The following LMO7 variants were observed in gnomAD, a reference collection of about 807,000 sequenced individuals.
LMO7 encodes LIM domain 7.
A neutral mutation model predicts 206.5 loss-of-function variants in LMO7; 120 were observed. The ratio of observed to expected loss-of-function variants is 0.58; its 90% CI spans 0.50 to 0.68. LMO7 has a LOEUF of 0.68. LMO7 is among the 30% of genes least tolerant of loss of function. The pLI is 0.00. For synonymous variants in LMO7, 706 were observed against 681.5 expected, an observed-to-expected ratio of 1.04 and a Z score of -0.56; for missense variants, 1,959 against 1,957.9, an observed-to-expected ratio of 1.00 and a Z score of -0.01.
chr13:75,622,405 GA>G (rs1265303641), intron 1 of LMO7: 1 of 152,210 alleles, frequency 6.6e-6, no homozygotes, highest in Admixed American at 6.5e-5. Flanking sequence ...AACATCAACT[GA>G]GGTACTCAAA....
Position 75,805,615 on chromosome 13 carries a change from G to C in LMO7, c.1051G>C (p.Val351Leu), listed in dbSNP as rs1566499997. ...CAACATTGTAAAGGATGATCTTTAT[G>C]TGCGCAAGCTCAGTCCAGTCATGCC... ...IPNIVKDDLYVRKLSPVMPNP... is the reference protein window; with the variant it reads ...IPNIVKDDLYLRKLSPVMPNP... The change falls in exon 9 of 31, where the codon GTG becomes CTG. Residue 351 changes from valine to leucine, a missense_variant. Physicochemically the swap from Val to Leu is conservative, Grantham distance 32. Coordinates refer to ENST00000377534, the MANE Select transcript of LMO7 (RefSeq NM_001306080.2). The C allele has an allele frequency of 3.1e-6, 5 of 1,614,056 alleles. No homozygotes were observed. Among genetic ancestry groups the C allele is most frequent in the Non-Finnish European group, 3.4e-6 (4 of 1,179,902 alleles).
At chr13:75,771,011 A>G (rs1011557156) in intron 4 of LMO7, among the ~76,000 whole-genome samples, 4 of 152,112 alleles carry the variant, frequency 2.6e-5, no homozygotes, top group Admixed American at 6.6e-5. Context: ...TTCTAGGGCT[A>G]TGTGACAGAA....
intron 1 of LMO7, among the ~76,000 whole-genome samples, chr13:75,673,103 C>T (rs541433985): frequency 6.6e-6 from 1 of 152,302 alleles, no homozygotes; most frequent in African/African-American, 2.4e-5. Flanking sequence ...GCTTTAAAAT[C>T]ATCCATCTAT....
rs2060825770 is a variant in LMO7 at position 75,855,177 on chromosome 13, G to GTTAAT, written c.4662-82_4662-78dup. 3 of 788,790 alleles carry GTTAAT rather than the reference G, an allele frequency of 3.8e-6. No homozygotes were observed. In the Middle Eastern group the frequency reaches 7.1e-4, roughly 187 times the overall value. The allele number at this position is 788,790 out of a possible 1,614,324, so 48.9% of individuals were successfully genotyped here. On this transcript the variant is annotated intron_variant, in intron 28 of 30. Transcript: ENST00000377534. ...GAGCTTTTCTTAAATTATTATCAGT[G>GTTAAT]TTAATAGCAGAGTGTGACTTTTAAA...
intron 4 of LMO7, among the ~76,000 whole-genome samples, chr13:75,764,137 T>C (rs2048550838): frequency 6.6e-6 from 1 of 152,156 alleles, no homozygotes; most frequent in Non-Finnish European, 1.5e-5. Context: ...GTGACACCTT[T>C]AATTTTGATA....
chr13:75,769,012 G>C (rs2049271702), intron 4 of LMO7, among the ~76,000 whole-genome samples: 2 of 152,082 alleles, frequency 1.3e-5, no homozygotes, highest in African/African-American at 4.8e-5. Flanking sequence ...TGAAAGCCAT[G>C]CTTATTATTT....
chr13:75,809,264 G>A, intron 11 of LMO7, 81 bp downstream of exon 11: 2 of 1,195,886 alleles, frequency 1.7e-6, no homozygotes, highest in Non-Finnish European at 2.5e-6. Context: ...GGCATGGCAT[G>A]TCACTAAATG....
intron 1 of LMO7, among the ~76,000 whole-genome samples, chr13:75,655,661 ATATATATATATATATATATATAT>A (rs2037999514): frequency 1.9e-4 from 1 of 5,144 alleles, no homozygotes; most frequent in Non-Finnish European, 8.4e-4. Context: ...ATATATATAT[ATATATATATATATATATATATAT>A]ATATATTTGT....
At chr13:75,775,921 T>C (rs1032713146) in intron 4 of LMO7, among the ~76,000 whole-genome samples, 5 of 151,368 alleles carry the variant, frequency 3.3e-5, no homozygotes, top group African/African-American at 1.2e-4. Flanking sequence ...TTCAGAGAAC[T>C]AAAAATAGAA....
chr13:75,848,922 T>G (rs965959932), intron 26 of LMO7, 157 bp from the exon 27 acceptor site: 9 of 595,448 alleles, frequency 1.5e-5, no homozygotes, highest in Non-Finnish European at 2.4e-5. Flanking sequence ...CAACGTCTAT[T>G]ATTTTTTGAG....
In LMO7 at chr13:75,838,076, G is replaced by T. The variant is rs144453163; in HGVS notation, c.3395-64G>T. 4 of 958,890 alleles carry T rather than the reference G, an allele frequency of 4.2e-6. No individual in the cohort carries two copies. The East Asian group carries it at 9.9e-5, about 24-fold the overall frequency. 59.4% of individuals were successfully genotyped at this position (958,890 alleles called of 1,614,324 possible). Reference sequence around the variant, plus strand: ...AGATTGGAAAGGTATATCAAGTATCGTTTAATTTACCAATGGTGAGAAATA... The same window carrying T: ...AGATTGGAAAGGTATATCAAGTATCTTTTAATTTACCAATGGTGAGAAATA... On this transcript the variant is annotated intron_variant, in intron 19 of 30. Coordinates refer to ENST00000377534, the MANE Select transcript of LMO7 (RefSeq NM_001306080.2).
intron 28 of LMO7, among the ~76,000 whole-genome samples, chr13:75,853,925 G>C (rs2060704960): frequency 6.6e-6 from 1 of 152,206 alleles, no homozygotes; most frequent in African/African-American, 2.4e-5. Flanking sequence ...TGCTTTGGGG[G>C]TTTTTGATTG....
At chr13:75,704,796 T>A (rs1310084303) in intron 1 of LMO7, among the ~76,000 whole-genome samples, 1 of 152,190 alleles carries the variant, frequency 6.6e-6, no homozygotes, top group Non-Finnish European at 1.5e-5. Flanking sequence ...ACTTGTTGTT[T>A]ACATTGGCAA....
intron 10 of LMO7, among the ~76,000 whole-genome samples, chr13:75,808,586 G>A (rs886111798): frequency 1.3e-5 from 2 of 151,944 alleles, no homozygotes; most frequent in African/African-American, 2.4e-5. Context: ...TTTTTTGGGG[G>A]GGTGAAATTT....
At chr13:75,819,184 A>G (rs1288379841) in intron 12 of LMO7, 3 of 452,140 alleles carry the variant, frequency 6.6e-6, no homozygotes, top group South Asian at 4.2e-5. Flanking sequence ...AATGGGGTCT[A>G]TCTTATTAGG....
chr13:75,670,018 C>G (rs1338283163), intron 1 of LMO7, among the ~76,000 whole-genome samples: 2 of 152,180 alleles, frequency 1.3e-5, no homozygotes, highest in African/African-American at 4.8e-5. Context: ...TTGCTATAAC[C>G]TTCCCAACAC....
At position 75,776,162 on chromosome 13, in the gene LMO7, GATATAT is replaced by G. The variant is rs58964680; in HGVS notation, c.317+15162_317+15167del. ...ATATATATGCCATGTATATATATCG[GATATAT>G]ATATATATATATATATATATATATA... is the stretch of plus-strand genomic sequence containing the variant. On this transcript the variant is annotated intron_variant, in intron 4 of 30. Coordinates refer to ENST00000377534, the MANE Select transcript of LMO7 (RefSeq NM_001306080.2). 9.4e-3 allele frequency among the ~76,000 whole-genome samples: 346 copies of G among 36,796 alleles called. 7 individuals are homozygous for G. Among genetic ancestry groups the G allele is most frequent in the South Asian group, 0.022 (12 of 554 alleles). 24.1% of individuals were successfully genotyped at this position (36,796 alleles called of 152,430 possible). A position where few individuals can be genotyped will look rare whatever the true frequency, so the allele number is the denominator to read the frequency against.
intron 4 of LMO7, among the ~76,000 whole-genome samples, chr13:75,781,915 T>C (rs564731201): frequency 7.2e-5 from 11 of 152,344 alleles, no homozygotes; most frequent in African/African-American, 2.6e-4. Flanking sequence ...TTTGGCTGCA[T>C]AAATATCTTC....
At chr13:75,798,734 CGTT>C (rs2054344807) in intron 6 of LMO7, among the ~76,000 whole-genome samples, 1 of 152,182 alleles carries the variant, frequency 6.6e-6, no homozygotes, top group Non-Finnish European at 1.5e-5. Flanking sequence ...ATTAAACAAT[CGTT>C]GGTGGAAGTT....
Sources: allele counts gnomAD v4.1 joint callset (sites outside exome capture counted in the v4.1 genomes callset), GRCh38; gene constraint gnomAD v4.1.1; transcripts MANE v1.5; gene names NCBI Gene and HGNC (gene_info 2026-07-23, HGNC 2026-07-21).